The following FAM171A2 variants were observed in gnomAD, a reference collection of about 807,000 sequenced individuals.
FAM171A2 encodes the protein protein FAM171A2.
Under a neutral mutation model 34.2 loss-of-function variants are expected in FAM171A2, and 13 were observed. The ratio of observed to expected loss-of-function variants is 0.38; its 90% CI spans 0.25 to 0.60. The LOEUF is 0.60. Among genes scored for constraint, FAM171A2 ranks in the 20% least tolerant of loss-of-function variants. The pLI, the probability that FAM171A2 is intolerant of heterozygous loss-of-function variation, is 0.62. For missense variants in FAM171A2, 950 were observed against 1,180.7 expected (o/e 0.80, Z 2.86); for synonymous variants, 475 against 561.2 (o/e 0.85, Z 2.17).
intron 3 of FAM171A2, 99 bp from the exon 4 acceptor site, chr17:44,356,687 C>G (rs1212181092): frequency 2.2e-6 from 3 of 1,360,582 alleles, no homozygotes; most frequent in Non-Finnish European, 2.9e-6. Context: ...GACATGAGGT[C>G]AGGCCACTTT....
At position 44,353,736 on chromosome 17, in the gene FAM171A2, CT is replaced by C; in HGVS notation, c.2477del (p.Lys826SerfsTer90). 7.1e-7 allele frequency: 1 copy of C among 1,412,612 alleles called. No homozygotes were observed. Among genetic ancestry groups the C allele is most frequent in the South Asian group, 1.4e-5 (1 of 72,804 alleles). The allele number at this position is 1,412,612 out of a possible 1,614,324, so 87.5% of individuals were successfully genotyped here. A position where few individuals can be genotyped will look rare whatever the true frequency, so the allele number is the denominator to read the frequency against. On this transcript the variant is annotated frameshift_variant, in exon 8 of 8. Transcript: ENST00000293443. LOFTEE classifies it high-confidence loss of function. ...EERPLMVFNVK is the reference protein window; with the variant it reads ...EERPLMVFNVX ...GGTGCCAGGCCCTGCGCGGGCGCTA[CT>C]TGACGTTGAACACCATCAGCGGCCG...
Position 44,354,455 on chromosome 17 carries a change from G to A in FAM171A2, c.1759C>T (p.Pro587Ser). 2.8e-6 allele frequency: 3 copies of A among 1,089,192 alleles called. No homozygotes were observed. The highest frequency in any genetic ancestry group is 1.7e-5 in the African/African-American group (1 of 59,130). 67.5% of individuals were successfully genotyped at this position (1,089,192 alleles called of 1,614,324 possible). A position where few individuals can be genotyped will look rare whatever the true frequency, so the allele number is the denominator to read the frequency against. The change falls in exon 8 of 8, where the codon CCG becomes TCG. Residue 587 changes from proline to serine, a missense_variant. By Grantham distance (74) the Pro-to-Ser change is moderately conservative. This residue lies in a region of FAM171A2 where 752 missense variants were observed against 924.5 expected (regional missense o/e 0.81). Coordinates refer to ENST00000293443, the MANE Select transcript of FAM171A2 (RefSeq NM_198475.3). This position sits in a 1 kb window ranked among gnomAD's most constrained non-coding sequence, Gnocchi z 5.8. ...PQPDPQRPQMPGHSGPGGEGG... is the reference protein window; with the variant it reads ...PQPDPQRPQMSGHSGPGGEGG... ...TCGCCCCCCGGGCCCGAGTGGCCCGGCATCTGCGGGCGCTGGGGGTCGGGC... is the reference window on the plus strand; with the variant it reads ...TCGCCCCCCGGGCCCGAGTGGCCCGACATCTGCGGGCGCTGGGGGTCGGGC...
At chr17:44,361,817 G>T (rs1204577702) in intron 1 of FAM171A2, among the ~76,000 whole-genome samples, 1 of 152,108 alleles carries the variant, frequency 6.6e-6, no homozygotes, top group Non-Finnish European at 1.5e-5. Context: ...GGCATGGGGT[G>T]GGGGGAGGTA....
intron 2 of FAM171A2, 60 bp downstream of exon 2, chr17:44,359,845 G>T: frequency 6.8e-7 from 1 of 1,470,982 alleles, no homozygotes; most frequent in Non-Finnish European, 9.1e-7. Flanking sequence ...AGACTATTTT[G>T]GGAAGGGGCT....
At chr17:44,360,758 G>A (rs971249735) in intron 1 of FAM171A2, among the ~76,000 whole-genome samples, 2 of 152,138 alleles carry the variant, frequency 1.3e-5, no homozygotes, top group Non-Finnish European at 2.9e-5. Flanking sequence ...GGCAGAGTTT[G>A]GGGTCTTGGG....
At position 44,356,063 on chromosome 17, in the gene FAM171A2, G is replaced by T. The variant is rs1283979758; in HGVS notation, c.790C>A (p.Arg264Ser). The change falls in exon 6 of 8, where the codon CGC becomes AGC. Residue 264 changes from arginine to serine, a missense_variant. Transcript: ENST00000293443. ...TTCCGGATTACACCAGTGCCATTGC[G>T]CACCCACAGCCCTGGGAGAGGCAGG... Reference protein sequence around the residue: ...RFDPKSGLWVRNGTGVIRKEG... With the variant: ...RFDPKSGLWVSNGTGVIRKEG... The T allele has an allele frequency of 2.0e-5, 31 of 1,541,528 alleles. No individual in the cohort carries two copies. Among genetic ancestry groups the T allele is most frequent in the African/African-American group, 2.7e-5 (2 of 72,818 alleles).
rs2048406670 is a variant in FAM171A2, at chr17:44,354,094, C to T, written c.2120G>A (p.Arg707Gln). ...PARRRPAREE[R>Q]ERAPPAAPPP... ...CGGCGCGGCAGGCGGGGCGCGCTCC[C>T]GCTCCTCCCTCGCGGGCCGGCGGCG... The change falls in exon 8 of 8, where the codon CGG (arginine) becomes CAG (glutamine). Residue 707 changes from arginine (R) to glutamine (Q), a missense_variant. Physicochemically the swap from Arg to Gln is conservative, Grantham distance 43 (BLOSUM62 1). This residue lies in a region of FAM171A2 where 191 missense variants were observed against 222.8 expected (regional missense o/e 0.86). Transcript: ENST00000293443. The surrounding 1 kb of genome is among the most constrained non-coding windows in gnomAD (Gnocchi z 5.8). 4 of 1,114,088 alleles carry T rather than the reference C, an allele frequency of 3.6e-6. No homozygotes were observed. The highest frequency in any genetic ancestry group is 3.9e-4 in the Middle Eastern group (1 of 2,588). The allele number at this position is 1,114,088 out of a possible 1,614,324, so 69.0% of individuals were successfully genotyped here. A position where few individuals can be genotyped will look rare whatever the true frequency, so the allele number is the denominator to read the frequency against.
At chr17:44,361,286 C>T (rs2048446818) in intron 1 of FAM171A2, among the ~76,000 whole-genome samples, 2 of 152,210 alleles carry the variant, frequency 1.3e-5, no homozygotes, top group South Asian at 4.1e-4. Context: ...CTCAAGAACA[C>T]ACTTCGCCCC....
At chr17:44,357,730 CGTGTGTGTGT>C (rs141824631) in intron 3 of FAM171A2, among the ~76,000 whole-genome samples, 1 of 143,268 alleles carries the variant, frequency 7.0e-6, no homozygotes, top group South Asian at 2.3e-4. Flanking sequence ...CAGTTTAGGT[CGTGTGTGTGT>C]GTGTGTGTGT....
chr17:44,361,275 C>T (rs2048446778), intron 1 of FAM171A2, among the ~76,000 whole-genome samples: 1 of 152,198 alleles, frequency 6.6e-6, no homozygotes, highest in South Asian at 2.1e-4. Context: ...ACAGCCCCTC[C>T]CTCAAGAACA....
Position 44,353,906 on chromosome 17 carries a change from G to A in FAM171A2, c.2308C>T (p.Arg770Trp). 2.3e-6 allele frequency: 3 copies of A among 1,298,544 alleles called. No homozygotes were observed. Among genetic ancestry groups the A allele is most frequent in the Non-Finnish European group, 1.9e-6 (2 of 1,029,430 alleles). The allele number at this position is 1,298,544 out of a possible 1,614,324, so 80.4% of individuals were successfully genotyped here. The change falls in exon 8 of 8, where the codon CGG becomes TGG. Residue 770 changes from arginine to tryptophan, a missense_variant. Coordinates refer to ENST00000293443, the MANE Select transcript of FAM171A2 (RefSeq NM_198475.3). ...GAGCTGTCCCCGCGGCTGCGGCCCCGCCCCCGGGGTACCGTGGCCGCCCGG... is the reference window on the plus strand; with the variant it reads ...GAGCTGTCCCCGCGGCTGCGGCCCCACCCCCGGGGTACCGTGGCCGCCCGG... ...EGRAATVPRG[R>W]GRSRGDSSRS...
At position 44,354,729 on chromosome 17, in the gene FAM171A2, G is replaced by A; in HGVS notation, c.1485C>T (p.Thr495=). 6.0e-6 allele frequency: 8 copies of A among 1,324,004 alleles called. No homozygotes were observed. The South Asian group carries it at 1.5e-4, about 24-fold the overall frequency. 82.0% of individuals were successfully genotyped at this position (1,324,004 alleles called of 1,614,324 possible). The change falls in exon 8 of 8, where the codon ACC becomes ACT. Residue 495 remains threonine (T), a synonymous_variant. Transcript: ENST00000293443. This position sits in a 1 kb window ranked among gnomAD's most constrained non-coding sequence, Gnocchi z 5.8. ...LGHKGAAEGK[T]PDFLLSQSVD... ...CCGACTGCGACAGCAGGAAGTCGGG[G>A]GTCTTGCCCTCGGCCGCCCCCTTGT... is the stretch of plus-strand genomic sequence containing the variant.
intron 3 of FAM171A2, among the ~76,000 whole-genome samples, chr17:44,357,798 A>C (rs560625177): frequency 1.3e-5 from 2 of 151,388 alleles, no homozygotes; most frequent in African/African-American, 4.9e-5. Context: ...TTCCAATACA[A>C]TATGGTCACA....
chr17:44,363,298 G>A (rs2048455575), intron 1 of FAM171A2, among the ~76,000 whole-genome samples: 1 of 152,172 alleles, frequency 6.6e-6, no homozygotes, highest in African/African-American at 2.4e-5. Flanking sequence ...GGCTCAGGCA[G>A]CAGCGCCTCG....
At position 44,355,533 on chromosome 17, in the gene FAM171A2, C is replaced by T. The variant is rs2048418609; in HGVS notation, c.1022+182G>A. 6.6e-6 allele frequency among the ~76,000 whole-genome samples: 1 copy of T among 152,218 alleles called. No individual in the cohort carries two copies. Among genetic ancestry groups the T allele is most frequent in the East Asian group, 1.9e-4 (1 of 5,198 alleles). On this transcript the variant is annotated intron_variant, in intron 7 of 7. Coordinates refer to ENST00000293443, the MANE Select transcript of FAM171A2 (RefSeq NM_198475.3). This position sits in a 1 kb window ranked among gnomAD's most constrained non-coding sequence, Gnocchi z 4.1. ...GGGCCGGGCTGCAAGTCCTTAAGCC[C>T]TGCCTCCCCTCCCACCTCCCCGCTG...
In FAM171A2 at chr17:44,360,110, C is replaced by T. The variant is rs2048442327; in HGVS notation, c.141G>A (p.Val47=). 2 of 1,551,610 alleles carry T rather than the reference C, an allele frequency of 1.3e-6. No homozygotes were observed. The highest frequency in any genetic ancestry group is 1.2e-5 in the South Asian group (1 of 84,064). The change falls in exon 2 of 8, where the codon GTG becomes GTA. Residue 47 remains valine, a synonymous_variant. Coordinates refer to ENST00000293443, the MANE Select transcript of FAM171A2 (RefSeq NM_198475.3). ...SPQEILIKVQ[V]YVSGELVPLA... is the part of the protein sequence containing the mutation. The stretch of plus-strand genomic sequence containing the variant: ...GGGGCACCAGCTCCCCGCTCACATA[C>T]ACCTGCACCTTGATCAGGATCTCTG...
chr17:44,361,707 G>T (rs1302492710), intron 1 of FAM171A2, among the ~76,000 whole-genome samples: 1 of 151,958 alleles, frequency 6.6e-6, no homozygotes, highest in African/African-American at 2.4e-5. Context: ...CTGTTTTTTT[G>T]CACATTTGAT....
Position 44,354,876 on chromosome 17 carries a change from C to G in FAM171A2, c.1338G>C (p.Ser446=). The G allele has an allele frequency of 7.7e-7, 1 of 1,302,642 alleles. No individual in the cohort carries two copies. Among genetic ancestry groups the G allele is most frequent in the Non-Finnish European group, 9.7e-7 (1 of 1,029,144 alleles). The allele number at this position is 1,302,642 out of a possible 1,614,324, so 80.7% of individuals were successfully genotyped here. Residue 446 remains serine, a synonymous_variant, in exon 8 of 8, where the codon TCG becomes TCC. Coordinates refer to ENST00000293443, the MANE Select transcript of FAM171A2 (RefSeq NM_198475.3). The surrounding 1 kb of genome is among the most constrained non-coding windows in gnomAD (Gnocchi z 5.8). The stretch of plus-strand genomic sequence containing the variant: ...GCTCCAGCCCGCCGGGGCCCTCGGC[C>G]GAGCGAGCGCCCTTGAGCCCGGCGC... ...GESAGLKGAR[S]AEGPGGLEPG...
chr17:44,354,095 G>A lies in FAM171A2; in HGVS notation c.2119C>T (p.Arg707Trp), dbSNP rs1194954471. The A allele has an allele frequency of 7.2e-6, 8 of 1,114,832 alleles. No individual in the cohort carries two copies. The highest frequency in any genetic ancestry group is 6.6e-6 in the Non-Finnish European group (6 of 913,116). 69.1% of individuals were successfully genotyped at this position (1,114,832 alleles called of 1,614,324 possible). A position where few individuals can be genotyped will look rare whatever the true frequency, so the allele number is the denominator to read the frequency against. The change falls in exon 8 of 8, where the codon CGG becomes TGG. Residue 707 changes from arginine (R) to tryptophan (W), a missense_variant. Coordinates refer to ENST00000293443, the MANE Select transcript of FAM171A2 (RefSeq NM_198475.3). The surrounding 1 kb of genome is among the most constrained non-coding windows in gnomAD (Gnocchi z 5.8). ...PARRRPAREE[R>W]ERAPPAAPPP... The stretch of plus-strand genomic sequence containing the variant: ...GGCGCGGCAGGCGGGGCGCGCTCCC[G>A]CTCCTCCCTCGCGGGCCGGCGGCGC...
Sources: gnomAD v4.1 joint callset for allele counts (sites outside exome capture counted in the v4.1 genomes callset) on GRCh38, gnomAD v4.1.1 for gene constraint, gnomAD v4.1.1 regional missense constraint, Gnocchi (gnomAD v3.1) non-coding constraint, MANE v1.5 for transcripts, NCBI Gene and HGNC (gene_info 2026-07-23, HGNC 2026-07-21) for gene names.